The following MAP2 variants were observed in gnomAD, a reference collection of about 807,000 sequenced individuals.
MAP2 encodes the protein microtubule associated protein 2.
Under a neutral mutation model 137.6 loss-of-function variants are expected in MAP2, and 14 were observed. The ratio of observed to expected loss-of-function variants is 0.10; its 90% CI spans 0.07 to 0.16. The LOEUF is 0.16. Among genes scored for constraint, MAP2 ranks in the 10% least tolerant of loss-of-function variants. MAP2 has a pLI of 1.00. For synonymous variants in MAP2, 786 were observed against 782.3 expected (o/e 1.00, Z -0.08); for missense variants, 2,088 against 2,191.5 (o/e 0.95, Z 0.94).
At chr2:209,500,917 G>C (rs1304314045) in intron 1 of MAP2, among the ~76,000 whole-genome samples, 1 of 151,332 alleles carries the variant, frequency 6.6e-6, no homozygotes, top group Admixed American at 6.6e-5. Flanking sequence ...CATGCCTCTA[G>C]TCCCAGCAAC....
At chr2:209,672,430 C>T (rs1487417139) in intron 5 of MAP2, among the ~76,000 whole-genome samples, 1 of 151,768 alleles carries the variant, frequency 6.6e-6, no homozygotes, top group African/African-American at 2.4e-5. Context: ...ACAGTGGTAC[C>T]TAATTTAAAT....
intron 1 of MAP2, among the ~76,000 whole-genome samples, chr2:209,488,843 G>C (rs577062079): frequency 5.3e-5 from 8 of 152,192 alleles, no homozygotes; most frequent in Admixed American, 2.0e-4. Flanking sequence ...CTGGGGAAAG[G>C]GGGGGATGTG....
intron 5 of MAP2, among the ~76,000 whole-genome samples, chr2:209,662,182 G>A (rs1313152798): frequency 6.6e-6 from 1 of 152,172 alleles, no homozygotes; most frequent in African/African-American, 2.4e-5. Flanking sequence ...TGAAGAGCAA[G>A]GCTCTATCTA....
chr2:209,704,094 C>T, intron 11 of MAP2: 1 of 450,704 alleles, frequency 2.2e-6, no homozygotes, highest in South Asian at 1.6e-5. Context: ...ATAGGAACTT[C>T]CCAATAGGAA....
chr2:209,706,486 A>G (rs1259974095), intron 12 of MAP2, among the ~76,000 whole-genome samples: 1 of 152,012 alleles, frequency 6.6e-6, no homozygotes, highest in African/African-American at 2.4e-5. Flanking sequence ...AATAAACTCA[A>G]TTCATTCTAC....
chr2:209,714,319 G>C (rs2066665783), intron 13 of MAP2, among the ~76,000 whole-genome samples: 1 of 152,192 alleles, frequency 6.6e-6, no homozygotes, highest in Non-Finnish European at 1.5e-5. Flanking sequence ...TCATTGGATA[G>C]GATAGTCAGT....
intron 6 of MAP2, among the ~76,000 whole-genome samples, chr2:209,679,545 C>T (rs552720963): frequency 6.2e-4 from 95 of 152,024 alleles, no homozygotes; most frequent in Non-Finnish European, 1.1e-3. Flanking sequence ...TAAAAAAGTA[C>T]ATATCCATTT....
intron 13 of MAP2, among the ~76,000 whole-genome samples, chr2:209,721,310 A>G (rs550683716): frequency 6.6e-6 from 1 of 152,286 alleles, no homozygotes; most frequent in East Asian, 1.9e-4. Flanking sequence ...GTCATAATTC[A>G]CCTCATTTTA....
intron 3 of MAP2, among the ~76,000 whole-genome samples, chr2:209,613,077 G>A (rs887676980): frequency 5.3e-5 from 8 of 152,004 alleles, no homozygotes; most frequent in Admixed American, 2.0e-4. Flanking sequence ...CCCGCCGTGC[G>A]CATCAGTTGA....
intron 2 of MAP2, among the ~76,000 whole-genome samples, chr2:209,567,880 G>C (rs1286850981): frequency 3.3e-5 from 5 of 151,966 alleles, no homozygotes; most frequent in Non-Finnish European, 7.4e-5. Context: ...ATGATAGAAT[G>C]AGCCATGAAG....
In MAP2 at chr2:209,695,391, C is replaced by A; in HGVS notation, c.3221C>A (p.Ala1074Asp). 1.2e-6 allele frequency: 2 copies of A among 1,612,958 alleles called. No individual in the cohort carries two copies. The part of the protein sequence containing the change: ...DRRATELKLE[A>D]TQDMTPSSKA... ...AGGGCAACAGAGCTAAAACTTGAGG[C>A]TACACAGGACATGACCCCCTCATCC... is the stretch of plus-strand genomic sequence containing the variant. Residue 1074 changes from alanine (A) to aspartate (D), a missense_variant, in exon 8 of 16, where the codon GCT (alanine) becomes GAT (aspartate). By Grantham distance (126) the Ala-to-Asp change is moderately radical. Around this residue, in one of 6 missense-constraint regions of MAP2, gnomAD observed 500 missense variants for 482.9 expected, o/e 1.04. Transcript: ENST00000682079.
intron 3 of MAP2, among the ~76,000 whole-genome samples, chr2:209,601,729 G>C (rs1225907624): frequency 1.3e-5 from 2 of 152,214 alleles, no homozygotes; most frequent in South Asian, 2.1e-4. Flanking sequence ...TTGGGAGGTT[G>C]AATCACATGG....
At chr2:209,706,907 C>CTT (rs1048180859) in intron 12 of MAP2, among the ~76,000 whole-genome samples, 12 of 152,132 alleles carry the variant, frequency 7.9e-5, no homozygotes, top group Non-Finnish European at 1.6e-4. Context: ...TATTAGCATC[C>CTT]TTTGAAATAT....
chr2:209,668,355 A>C lies in MAP2; in HGVS notation c.263-10217A>C, dbSNP rs576344121. 7.9e-5 allele frequency among the ~76,000 whole-genome samples: 12 copies of C among 152,170 alleles called. No homozygotes were observed. The South Asian group carries it at 2.1e-3, about 26-fold the overall frequency. ...AATCATCAATGTAAAATTTTATTTCAACAAACGCCCCAGAGATATTTTCTA... is the reference window on the plus strand; with the variant it reads ...AATCATCAATGTAAAATTTTATTTCCACAAACGCCCCAGAGATATTTTCTA... On this transcript the variant is annotated intron_variant, in intron 5 of 15. Coordinates refer to ENST00000682079, the MANE Select transcript of MAP2 (RefSeq NM_001375505.1).
At chr2:209,490,045 C>T (rs35887391) in intron 1 of MAP2, among the ~76,000 whole-genome samples, 3,547 of 152,166 alleles carry the variant, frequency 0.023, 56 homozygotes, top group South Asian at 0.07. Flanking sequence ...GTTGGGTTAC[C>T]CACAAAGGGA....
chr2:209,545,867 A>G (rs1026422679), intron 2 of MAP2, among the ~76,000 whole-genome samples: 2 of 152,198 alleles, frequency 1.3e-5, no homozygotes, highest in Non-Finnish European at 2.9e-5. Context: ...TTGGCCGGGC[A>G]TGGTGGCTCA....
chr2:209,455,339 T>C (rs1701292792), intron 1 of MAP2, among the ~76,000 whole-genome samples: 1 of 152,252 alleles, frequency 6.6e-6, no homozygotes, highest in Admixed American at 6.5e-5. Flanking sequence ...TTTTATTTTT[T>C]GATCTTATTT....
At chr2:209,717,613 T>C (rs2068237536) in intron 13 of MAP2, among the ~76,000 whole-genome samples, 1 of 152,230 alleles carries the variant, frequency 6.6e-6, no homozygotes, top group Non-Finnish European at 1.5e-5. Context: ...ATTATAATGG[T>C]TACCACTATG....
At chr2:209,438,467 T>C (rs7608830) in intron 1 of MAP2, among the ~76,000 whole-genome samples, 4,816 of 151,782 alleles carry the variant, frequency 0.032, 281 homozygotes, top group African/African-American at 0.11. Flanking sequence ...AAACATAGTT[T>C]ATTGTGTAAA....
Sources: gnomAD v4.1 joint callset for allele counts (sites outside exome capture counted in the v4.1 genomes callset) on GRCh38, gnomAD v4.1.1 for gene constraint, gnomAD v4.1.1 regional missense constraint, MANE v1.5 for transcripts, NCBI Gene and HGNC (gene_info 2026-07-23, HGNC 2026-07-21) for gene names.